Variants in LIPE observed in about 807,000 individuals in gnomAD.
LIPE encodes lipase E, hormone sensitive type.
Under a neutral mutation model 88.5 loss-of-function variants are expected in LIPE, and 66 were observed. The ratio of observed to expected loss-of-function variants is 0.75; its 90% confidence interval spans 0.61 to 0.91. The LOEUF is 0.91. LIPE is among the 40% of genes least tolerant of loss of function. The probability of loss-of-function intolerance (pLI) is 0.00; values close to 1 mark genes in which losing one functional copy is unlikely to be tolerated. For missense variants in LIPE, 1,346 were observed against 1,434.7 expected, an observed-to-expected ratio of 0.94 and a Z score of 1.00; for synonymous variants, 570 against 617.5, an observed-to-expected ratio of 0.92 and a Z score of 1.14.
At chr19:42,402,126 C>G in intron 9 of LIPE, 51 bp from the exon 10 acceptor site, 2 of 1,412,570 alleles carry the variant, frequency 1.4e-6, no homozygotes, top group Non-Finnish European at 9.3e-7. Flanking sequence ...ACAGACAGAC[C>G]GGGGTCGGGT....
intron 1 of LIPE, among the ~76,000 whole-genome samples, chr19:42,417,078 A>G (rs1052417088): frequency 1.3e-5 from 2 of 151,520 alleles, no homozygotes; most frequent in African/African-American, 4.9e-5. Context: ...CCGCCACCAC[A>G]CCTGGCTAAT....
intron 1 of LIPE, chr19:42,423,424 G>A: frequency 7.8e-7 from 1 of 1,289,508 alleles, no homozygotes; most frequent in South Asian, 1.2e-5. Context: ...CTCACCTTTG[G>A]CCTTGTCTTT....
rs2040141742 is a variant in LIPE, at chr19:42,405,525, T to C, written c.2402A>G (p.Lys801Arg). The change falls in exon 8 of 10, where the codon AAA (lysine) becomes AGA (arginine). Residue 801 changes from lysine (K) to arginine (R), a missense_variant. Transcript: ENST00000244289. ...CACCAGCCCCATCATGCCGAGGGCT[T>C]TCTGGTCTGAGTTGGAGTGGTCCTC... is the stretch of plus-strand genomic sequence containing the variant. ...KTEDHSNSDQ[K>R]ALGMMGLVRR... 1 of 1,614,068 alleles carries C rather than the reference T, an allele frequency of 6.2e-7. No individual in the cohort carries two copies. The highest frequency in any genetic ancestry group is 1.3e-5 in the African/African-American group (1 of 74,942).
intron 1 of LIPE, chr19:42,412,182 G>T: frequency 1.4e-6 from 1 of 710,582 alleles, no homozygotes; most frequent in Non-Finnish European, 1.7e-6. Context: ...CTGTTTCTTG[G>T]ATGCCCTGTC....
At position 42,407,082 on chromosome 19, in the gene LIPE, G is replaced by T; in HGVS notation, c.2137+92C>A. ...GCTGGGAGGTGTGGGGGGAGAGAAA[G>T]GTAGAGGGTGTGAGGCTGAGGCTGG... On this transcript the variant is annotated intron_variant, in intron 6 of 9. Transcript: ENST00000244289. This position sits in a 1 kb window ranked among gnomAD's most constrained non-coding sequence, Gnocchi z 5.8. The T allele has an allele frequency of 8.8e-7, 1 of 1,135,930 alleles. No individual in the cohort carries two copies. Among genetic ancestry groups the T allele is most frequent in the South Asian group, 1.6e-5 (1 of 61,546 alleles). The allele number at this position is 1,135,930 out of a possible 1,614,324, so 70.4% of individuals were successfully genotyped here. A position where few individuals can be genotyped will look rare whatever the true frequency, so the allele number is the denominator to read the frequency against.
At chr19:42,413,945 G>C (rs2040436345) in intron 1 of LIPE, among the ~76,000 whole-genome samples, 1 of 152,194 alleles carries the variant, frequency 6.6e-6, no homozygotes, top group African/African-American at 2.4e-5. Context: ...TGGATAGACA[G>C]AGGCCTCAGG....
At chr19:42,425,760 T>G (rs544005708) in intron 1 of LIPE, among the ~76,000 whole-genome samples, 3 of 152,268 alleles carry the variant, frequency 2.0e-5, no homozygotes, top group African/African-American at 7.2e-5. Context: ...CAGTGAGCCA[T>G]GATCATACCA....
chr19:42,409,244 A>G (rs2040293380), intron 2 of LIPE, among the ~76,000 whole-genome samples: 1 of 152,034 alleles, frequency 6.6e-6, no homozygotes, highest in Non-Finnish European at 1.5e-5. Flanking sequence ...GACAGAGCAG[A>G]CAGGCAGTTA....
intron 7 of LIPE, 187 bp downstream of exon 7, chr19:42,405,974 T>TCACACA (rs1483781593): frequency 7.3e-5 from 35 of 481,690 alleles, no homozygotes; most frequent in Non-Finnish European, 9.4e-5. Context: ...TCTCTCTCTC[T>TCACACA]CTCACACACA....
At chr19:42,424,738 C>T (rs1434314773) in intron 1 of LIPE, 2 of 400,000 alleles carry the variant, frequency 5.0e-6, no homozygotes, top group South Asian at 1.8e-5. Context: ...CCCCCCACAT[C>T]AGGGGACTTC....
Position 42,424,102 on chromosome 19 carries a change from C to T in LIPE, c.883+2165G>A, listed in dbSNP as rs528187383. ...GCCTGAGAGCCGTTGGAGGAGGGAG[C>T]CCCGCTTTCCCTCTCCTGTCTCCTA... On this transcript the variant is annotated intron_variant, in intron 1 of 9. Coordinates refer to ENST00000244289, the MANE Select transcript of LIPE (RefSeq NM_005357.4). 4.2e-6 allele frequency: 5 copies of T among 1,189,502 alleles called. No homozygotes were observed. In the South Asian group the frequency reaches 6.2e-5, roughly 15 times the overall value. The allele number at this position is 1,189,502 out of a possible 1,614,324, so 73.7% of individuals were successfully genotyped here.
At chr19:42,424,601 C>T (rs757269443) in intron 1 of LIPE, 3 of 456,340 alleles carry the variant, frequency 6.6e-6, no homozygotes, top group African/African-American at 4.0e-5. Context: ...AAACGCGTTA[C>T]TCTCTTATCA....
intron 8 of LIPE, 83 bp downstream of exon 8, chr19:42,405,302 G>C: frequency 7.0e-7 from 1 of 1,426,546 alleles, no homozygotes; most frequent in South Asian, 1.3e-5. Context: ...ACCATGCCCA[G>C]CATCTTCCCT....
intron 1 of LIPE, among the ~76,000 whole-genome samples, chr19:42,417,145 C>G (rs1299869567): frequency 6.6e-6 from 1 of 152,242 alleles, no homozygotes; most frequent in Non-Finnish European, 1.5e-5. Flanking sequence ...TGGTCTCGAT[C>G]TCCTGACCTC....
intron 7 of LIPE, chr19:42,405,775 G>A (rs1215704702): frequency 1.7e-6 from 1 of 578,968 alleles, no homozygotes; most frequent in African/African-American, 1.9e-5. Flanking sequence ...TTCAAGACCA[G>A]CCTGGGCAAC....
rs752090967 is a variant in LIPE, at chr19:42,410,230, A to G, written c.1419+77T>C. 1.2e-5 allele frequency: 17 copies of G among 1,381,958 alleles called. No homozygotes were observed. The highest frequency in any genetic ancestry group is 1.6e-5 in the Non-Finnish European group (17 of 1,030,722). The allele number at this position is 1,381,958 out of a possible 1,614,324, so 85.6% of individuals were successfully genotyped here. ...GATAATGCTGACCACTGGTTACTTT[A>G]CCATACTATAGGCCAGGCCAGGGGC... On this transcript the variant is annotated intron_variant, in intron 2 of 9. Coordinates refer to ENST00000244289, the MANE Select transcript of LIPE (RefSeq NM_005357.4). This position sits in a 1 kb window ranked among gnomAD's most constrained non-coding sequence, Gnocchi z 6.1.
Position 42,426,797 on chromosome 19 carries a change from C to T in LIPE, c.353G>A (p.Gly118Glu). 2 of 1,614,128 alleles carry T rather than the reference C, an allele frequency of 1.2e-6. No individual in the cohort carries two copies. Among genetic ancestry groups the T allele is most frequent in the Non-Finnish European group, 1.7e-6 (2 of 1,180,026 alleles). Residue 118 changes from glycine (G) to glutamate (E), a missense_variant, in exon 1 of 10, where the codon GGG (glycine) becomes GAG (glutamate). Gly to Glu is a moderately conservative substitution (Grantham distance 98). Coordinates refer to ENST00000244289, the MANE Select transcript of LIPE (RefSeq NM_005357.4). ...QQEAASQQGP[G>E]LGKESITQQE... is the part of the protein sequence containing the mutation. ...TTGAGTTATAGATTCTTTTCCTAGC[C>T]CAGGTCCCTGCTGGGAGGCAGCTTC...
chr19:42,408,503 A>T lies in LIPE; in HGVS notation c.1420-181T>A. ...GACCTGATGTTCTCAAAGGGAAAAC[A>T]AATGATCAGCAGATAAGCAAAGCCA... On this transcript the variant is annotated intron_variant, in intron 2 of 9. Transcript: ENST00000244289. The surrounding 1 kb of genome is among the most constrained non-coding windows in gnomAD (Gnocchi z 4.3). 3 of 608,366 alleles carry T rather than the reference A, an allele frequency of 4.9e-6. No individual in the cohort carries two copies. 37.7% of individuals were successfully genotyped at this position (608,366 alleles called of 1,614,324 possible).
intron 1 of LIPE, chr19:42,411,435 TC>T: frequency 1.8e-6 from 1 of 550,922 alleles, no homozygotes; most frequent in Non-Finnish European, 2.3e-6. Flanking sequence ...GGAGTCCGGG[TC>T]CCCCATCCCA....
Sources: allele counts gnomAD v4.1 joint callset (sites outside exome capture counted in the v4.1 genomes callset), GRCh38; gene constraint gnomAD v4.1.1; non-coding constraint Gnocchi (gnomAD v3.1); transcripts MANE v1.5; gene names NCBI Gene and HGNC (gene_info 2026-07-23, HGNC 2026-07-21).